Variants in GALNT2 observed in about 807,000 individuals in gnomAD.
GALNT2 encodes polypeptide N-acetylgalactosaminyltransferase 2.
Under a neutral mutation model 81.4 loss-of-function variants are expected in GALNT2, and 31 were observed. That is an observed-to-expected ratio of 0.38 (90% confidence interval 0.29 to 0.51). GALNT2 has a LOEUF of 0.51. Ranked by LOEUF, GALNT2 falls within the 20% of genes least tolerant of loss-of-function variation. The pLI is 0.87. For synonymous variants in GALNT2, 303 were observed against 287.4 expected (o/e 1.05, Z -0.55); for missense variants, 629 against 765.7 (o/e 0.82, Z 2.11).
intron 1 of GALNT2, among the ~76,000 whole-genome samples, chr1:230,125,707 A>G (rs910134975): frequency 6.6e-6 from 1 of 152,146 alleles, no homozygotes; most frequent in Non-Finnish European, 1.5e-5. Flanking sequence ...TTAAGGTAGG[A>G]AGGAGAACAG....
Position 230,067,417 on chromosome 1 carries a change from C to A in GALNT2, c.126+11C>A. 1 of 1,135,894 alleles carries A rather than the reference C, an allele frequency of 8.8e-7. No individual in the cohort carries two copies. The highest frequency in any genetic ancestry group is 3.7e-5 in the East Asian group (1 of 26,944). The allele number at this position is 1,135,894 out of a possible 1,614,324, so 70.4% of individuals were successfully genotyped here. A position where few individuals can be genotyped will look rare whatever the true frequency, so the allele number is the denominator to read the frequency against. On this transcript the variant is annotated intron_variant, in intron 1 of 15. Coordinates refer to ENST00000366672, the MANE Select transcript of GALNT2 (RefSeq NM_004481.5). ...GGCGCCGGCAGGAAGGTGAGTGGAG[C>A]GCCCTGCCGCGGCCGGGCCCCTGCG... is the stretch of plus-strand genomic sequence containing the variant.
chr1:230,130,671 G>A (rs1033982145), intron 1 of GALNT2, among the ~76,000 whole-genome samples: 1 of 152,176 alleles, frequency 6.6e-6, no homozygotes, highest in African/African-American at 2.4e-5. Flanking sequence ...GCTGCTGCCC[G>A]GCTGTGCCCA....
At chr1:230,262,870 A>T in intron 12 of GALNT2, 52 bp from the exon 13 acceptor site, 1 of 1,549,976 alleles carries the variant, frequency 6.5e-7, no homozygotes, top group South Asian at 1.1e-5. Context: ...TGATGTAGAA[A>T]GCCCATCTAT....
At chr1:230,192,329 C>G (rs1391570003) in intron 2 of GALNT2, among the ~76,000 whole-genome samples, 2 of 152,178 alleles carry the variant, frequency 1.3e-5, no homozygotes, top group Non-Finnish European at 2.9e-5. Flanking sequence ...AGCAGAAACC[C>G]TCATATTTGA....
At chr1:230,241,291 G>A (rs1441896173) in intron 6 of GALNT2, among the ~76,000 whole-genome samples, 1 of 152,096 alleles carries the variant, frequency 6.6e-6, no homozygotes, top group Admixed American at 6.5e-5. Flanking sequence ...TTGACATTGT[G>A]GATGATATGT....
At chr1:230,258,259 C>T (rs1031998379) in intron 11 of GALNT2, among the ~76,000 whole-genome samples, 3 of 148,014 alleles carry the variant, frequency 2.0e-5, no homozygotes, top group Middle Eastern at 3.5e-3. Flanking sequence ...GACGGAGTTT[C>T]GATCTCGTTG....
At chr1:230,072,265 A>G (rs1019197790) in intron 1 of GALNT2, among the ~76,000 whole-genome samples, 1 of 150,702 alleles carries the variant, frequency 6.6e-6, no homozygotes, top group Non-Finnish European at 1.5e-5. Context: ...GTTTGGGAAG[A>G]TACTGATTTT....
At chr1:230,206,478 T>C (rs1664060683) in intron 3 of GALNT2, among the ~76,000 whole-genome samples, 1 of 152,128 alleles carries the variant, frequency 6.6e-6, no homozygotes, top group Admixed American at 6.6e-5. Flanking sequence ...CCATAGTCAA[T>C]TGGATGCCTA....
At chr1:230,148,699 A>C (rs1661999713) in intron 1 of GALNT2, among the ~76,000 whole-genome samples, 1 of 150,086 alleles carries the variant, frequency 6.7e-6, no homozygotes, top group Non-Finnish European at 1.5e-5. Context: ...TGATCCTCCC[A>C]CCTCAGCCTT....
chr1:230,217,318 G>T (rs564254899), intron 3 of GALNT2, among the ~76,000 whole-genome samples: 5 of 152,184 alleles, frequency 3.3e-5, no homozygotes, highest in Non-Finnish European at 7.3e-5. Context: ...AAGGGACGAG[G>T]GAGTGTGCGT....
chr1:230,197,625 C>T (rs1663740909), intron 2 of GALNT2, among the ~76,000 whole-genome samples: 1 of 152,130 alleles, frequency 6.6e-6, no homozygotes, highest in Non-Finnish European at 1.5e-5. Context: ...AGGACTTTTG[C>T]TGTGATCATC....
At chr1:230,102,760 A>G (rs1998067) in intron 1 of GALNT2, among the ~76,000 whole-genome samples, 24,910 of 152,140 alleles carry the variant, frequency 0.16, 2,423 homozygotes, top group South Asian at 0.28. Flanking sequence ...TTTCATAGCC[A>G]TTGATGGAAA....
intron 1 of GALNT2, among the ~76,000 whole-genome samples, chr1:230,075,224 C>T (rs979872336): frequency 8.4e-5 from 12 of 143,226 alleles, no homozygotes; most frequent in Non-Finnish European, 1.4e-4. Context: ...CTCCCGGGTT[C>T]AAGCGATTCT....
intron 1 of GALNT2, among the ~76,000 whole-genome samples, chr1:230,101,125 T>G (rs530006516): frequency 6.6e-6 from 1 of 152,220 alleles, no homozygotes; most frequent in African/African-American, 2.4e-5. Flanking sequence ...AAGTACACTC[T>G]GATCACACGA....
chr1:230,102,798 C>A (rs1301688368), intron 1 of GALNT2, among the ~76,000 whole-genome samples: 1 of 152,034 alleles, frequency 6.6e-6, no homozygotes, highest in African/African-American at 2.4e-5. Flanking sequence ...ATAACAGAGT[C>A]TTGGGTGGTG....
rs149184197 is a variant in GALNT2 at position 230,240,115 on chromosome 1, T to A, written c.608-3191T>A. On this transcript the variant is annotated intron_variant, in intron 6 of 15. Coordinates refer to ENST00000366672, the MANE Select transcript of GALNT2 (RefSeq NM_004481.5). ...TTATCCTCATATTTTCCATTTGTAG[T>A]ATCTTTGTTTCTTTCCATAGATTGG... Among the ~76,000 whole-genome samples the A allele has an allele frequency of 6.2e-3, 952 of 152,384 alleles. 7 individuals are homozygous for A. The highest frequency in any genetic ancestry group is 8.7e-3 in the Non-Finnish European group (590 of 68,044).
chr1:230,062,993 G>GTTAT (rs565977237), upstream of GALNT2, among the ~76,000 whole-genome samples: 38 of 152,164 alleles, frequency 2.5e-4, no homozygotes, highest in African/African-American at 5.3e-4. Flanking sequence ...ACCAACACTT[G>GTTAT]TTATTTATTT....
intron 1 of GALNT2, among the ~76,000 whole-genome samples, chr1:230,147,457 G>A (rs775338770): frequency 1.6e-4 from 25 of 152,348 alleles, no homozygotes; most frequent in Non-Finnish European, 2.9e-4. Flanking sequence ...CCCCTGCCAC[G>A]GGACTGCTGT....
At chr1:230,192,373 A>G (rs1663556776) in intron 2 of GALNT2, among the ~76,000 whole-genome samples, 1 of 152,218 alleles carries the variant, frequency 6.6e-6, no homozygotes. Context: ...AAGGTCTTGT[A>G]TGAAGTAGCA....
Sources: allele counts gnomAD v4.1 joint callset (sites outside exome capture counted in the v4.1 genomes callset), GRCh38; gene constraint gnomAD v4.1.1; transcripts MANE v1.5; gene names NCBI Gene and HGNC (gene_info 2026-07-23, HGNC 2026-07-21).